Variants in TFCP2 observed in about 807,000 individuals in gnomAD.
TFCP2 encodes the protein alpha-globin transcription factor CP2.
In TFCP2, 33 loss-of-function variants were observed where a neutral mutation model predicts 73.4. The ratio of observed to expected loss-of-function variants is 0.45; its 90% CI spans 0.34 to 0.60. The LOEUF (loss-of-function observed/expected upper bound fraction) is 0.60. TFCP2 is among the 20% of genes least tolerant of loss of function. The probability of loss-of-function intolerance (pLI) is 0.01; values close to 1 mark genes in which losing one functional copy is unlikely to be tolerated. For synonymous variants in TFCP2, 193 were observed against 211.6 expected (o/e 0.91, Z 0.76); for missense variants, 352 against 604.0 (o/e 0.58, Z 4.37).
intron 6 of TFCP2, 138 bp downstream of exon 6, chr12:51,108,983 C>G (rs759958900): frequency 1.2e-5 from 11 of 922,100 alleles, no homozygotes; most frequent in Non-Finnish European, 1.8e-5. Flanking sequence ...GTAATTATTT[C>G]AATGACTCTA....
Position 51,118,900 on chromosome 12 carries a change from A to T in TFCP2, c.123-128T>A, listed in dbSNP as rs189674641. The T allele has an allele frequency of 6.8e-3, 7,320 of 1,078,288 alleles. 42 individuals carry two copies. Among genetic ancestry groups the T allele is most frequent in the Non-Finnish European group, 8.5e-3 (6,275 of 741,138 alleles). The allele number at this position is 1,078,288 out of a possible 1,614,324, so 66.8% of individuals were successfully genotyped here. A position where few individuals can be genotyped will look rare whatever the true frequency, so the allele number is the denominator to read the frequency against. Reference sequence around the variant, plus strand: ...ACTCACCTTGGTGGAGTTTCATCCCAAGAATTCCATTTAGATTACCTGCTG... The same window carrying T: ...ACTCACCTTGGTGGAGTTTCATCCCTAGAATTCCATTTAGATTACCTGCTG... On this transcript the variant is annotated intron_variant, in intron 1 of 14. Coordinates refer to ENST00000257915, the MANE Select transcript of TFCP2 (RefSeq NM_005653.5).
At chr12:51,160,365 G>A (rs1941623730) in intron 1 of TFCP2, among the ~76,000 whole-genome samples, 1 of 151,906 alleles carries the variant, frequency 6.6e-6, no homozygotes, top group South Asian at 2.1e-4. Flanking sequence ...TCAAACTCCT[G>A]ACCTCGTGAT....
intron 1 of TFCP2, among the ~76,000 whole-genome samples, chr12:51,141,992 C>T (rs911227388): frequency 1.4e-4 from 21 of 150,504 alleles, no homozygotes; most frequent in African/African-American, 4.6e-4. Flanking sequence ...ATCACGAGGT[C>T]AGGAGTTTGA....
chr12:51,146,816 T>G (rs960402690), intron 1 of TFCP2, among the ~76,000 whole-genome samples: 2 of 152,236 alleles, frequency 1.3e-5, no homozygotes, highest in African/African-American at 2.4e-5. Context: ...TTCCAGCCTG[T>G]ATCACATTTA....
chr12:51,116,141 T>C (rs1229927102), intron 4 of TFCP2, among the ~76,000 whole-genome samples, 174 bp downstream of exon 4: 1 of 152,244 alleles, frequency 6.6e-6, no homozygotes, highest in Non-Finnish European at 1.5e-5. Context: ...ACTTCAATTT[T>C]GATATCATTT....
At chr12:51,152,552 T>C (rs1435080498) in intron 1 of TFCP2, among the ~76,000 whole-genome samples, 3 of 152,220 alleles carry the variant, frequency 2.0e-5, no homozygotes, top group Admixed American at 2.0e-4. Context: ...GAATTTGTTT[T>C]TAAAAAATAC....
chr12:51,142,094 T>C (rs1293679500), intron 1 of TFCP2, among the ~76,000 whole-genome samples: 2 of 142,654 alleles, frequency 1.4e-5, no homozygotes, highest in Non-Finnish European at 3.0e-5. Flanking sequence ...TCCCAGCTAC[T>C]CAGGAGGCTG....
intron 1 of TFCP2, among the ~76,000 whole-genome samples, chr12:51,154,904 A>G (rs1941505843): frequency 6.6e-6 from 1 of 152,138 alleles, no homozygotes; most frequent in South Asian, 2.1e-4. Flanking sequence ...GACCGGATTA[A>G]AGGATACTTA....
At chr12:51,120,685 T>G (rs1413496170) in intron 1 of TFCP2, among the ~76,000 whole-genome samples, 1 of 152,010 alleles carries the variant, frequency 6.6e-6, no homozygotes, top group Non-Finnish European at 1.5e-5. Context: ...TTCCAGCACT[T>G]TGGGAGGCCA....
intron 1 of TFCP2, among the ~76,000 whole-genome samples, chr12:51,145,246 G>T (rs1343282038): frequency 3.3e-5 from 5 of 151,358 alleles, no homozygotes; most frequent in South Asian, 2.1e-4. Flanking sequence ...GCTGCGTATG[G>T]TGGTGCACAC....
intron 11 of TFCP2, 139 bp from the exon 12 acceptor site, chr12:51,099,918 G>T (rs1940068669): frequency 1.9e-6 from 2 of 1,076,010 alleles, no homozygotes; most frequent in South Asian, 1.9e-5. Context: ...CAATTAATTT[G>T]CTATGTTTTA....
At chr12:51,103,249 C>T (rs1940153972) in intron 10 of TFCP2, among the ~76,000 whole-genome samples, 1 of 152,006 alleles carries the variant, frequency 6.6e-6, no homozygotes, top group Non-Finnish European at 1.5e-5. Context: ...TGCAACTGCA[C>T]TCCAGCCTGG....
intron 1 of TFCP2, among the ~76,000 whole-genome samples, chr12:51,150,735 T>A (rs115738028): frequency 0.014 from 2,084 of 152,304 alleles, 52 homozygotes; most frequent in African/African-American, 0.048. Flanking sequence ...ATAAAGAGAC[T>A]TAGGTCTCAA....
chr12:51,118,482 G>C (rs1452421715), intron 2 of TFCP2, 139 bp downstream of exon 2: 1 of 984,030 alleles, frequency 1.0e-6, no homozygotes, highest in African/African-American at 1.7e-5. Context: ...GTGAACCCGG[G>C]AGGCAGAGCT....
intron 1 of TFCP2, among the ~76,000 whole-genome samples, chr12:51,145,359 G>C (rs1431237629): frequency 6.7e-6 from 1 of 150,038 alleles, no homozygotes; most frequent in African/African-American, 2.5e-5. Context: ...TCCAGCCTGG[G>C]GGACAGAGTG....
chr12:51,160,976 G>C (rs959480320), intron 1 of TFCP2, among the ~76,000 whole-genome samples: 2 of 152,174 alleles, frequency 1.3e-5, no homozygotes, highest in African/African-American at 4.8e-5. Flanking sequence ...GGAGCTGCCA[G>C]AGCGCTGGCC....
chr12:51,118,547 A>G (rs529890587), intron 2 of TFCP2, 74 bp downstream of exon 2: 10 of 1,480,694 alleles, frequency 6.8e-6, no homozygotes, highest in Non-Finnish European at 9.1e-6. Flanking sequence ...GCCGTCTCAA[A>G]ACAAACAAAC....
chr12:51,107,180 A>T, intron 7 of TFCP2, 56 bp downstream of exon 7: 1 of 1,425,414 alleles, frequency 7.0e-7, no homozygotes, highest in Non-Finnish European at 9.7e-7. Flanking sequence ...GGAAGTGATG[A>T]ATTTTTAAGA....
intron 1 of TFCP2, among the ~76,000 whole-genome samples, chr12:51,130,463 C>A (rs1055801557): frequency 1.4e-5 from 2 of 148,048 alleles, no homozygotes; most frequent in African/African-American, 2.4e-5. Flanking sequence ...TAGAACGAGA[C>A]TCCGTCTCAA....
Sources: gnomAD v4.1 joint callset for allele counts (sites outside exome capture counted in the v4.1 genomes callset) on GRCh38, gnomAD v4.1.1 for gene constraint, MANE v1.5 for transcripts, NCBI Gene and HGNC (gene_info 2026-07-23, HGNC 2026-07-21) for gene names.